The following CFAP61 variants were observed in gnomAD, a reference collection of about 807,000 sequenced individuals.
The protein encoded by CFAP61 is cilia and flagella associated protein 61.
A neutral mutation model predicts 135.6 loss-of-function variants in CFAP61; 107 were observed. That is an observed-to-expected ratio of 0.79 (90% CI 0.67 to 0.93). The LOEUF (loss-of-function observed/expected upper bound fraction) is 0.93. CFAP61 is among the 40% of genes least tolerant of loss of function. CFAP61 has a pLI of 0.00. For synonymous variants in CFAP61, 575 were observed against 578.5 expected (o/e 0.99, Z 0.09); for missense variants, 1,507 against 1,556.2 (o/e 0.97, Z 0.53).
chr20:20,240,069 A>G (rs2049905682), intron 18 of CFAP61, among the ~76,000 whole-genome samples: 1 of 152,166 alleles, frequency 6.6e-6, no homozygotes, highest in Admixed American at 6.5e-5. Flanking sequence ...TGATGGAGAT[A>G]GAGGAGGAGT....
chr20:20,320,919 G>A (rs1293571827), intron 25 of CFAP61, among the ~76,000 whole-genome samples: 1 of 151,342 alleles, frequency 6.6e-6, no homozygotes, highest in African/African-American at 2.4e-5. Flanking sequence ...TTAATTACTT[G>A]GATTATTTGA....
At chr20:20,090,736 G>T in intron 6 of CFAP61, 108 bp from the exon 7 acceptor site, 72 of 805,164 alleles carry the variant, frequency 8.9e-5, no homozygotes, top group Non-Finnish European at 1.3e-4. Flanking sequence ...TATCATGAGT[G>T]TTGCTCTAGC....
At chr20:20,307,095 C>T (rs912894450) in intron 25 of CFAP61, among the ~76,000 whole-genome samples, 7 of 152,130 alleles carry the variant, frequency 4.6e-5, no homozygotes, top group Admixed American at 1.3e-4. Context: ...GCTGCCACCC[C>T]GACCACCCTC....
chr20:20,169,363 G>A lies in CFAP61; in HGVS notation c.1288G>A (p.Glu430Lys), dbSNP rs373208708. 1.1e-5 allele frequency: 17 copies of A among 1,613,412 alleles called. No individual in the cohort carries two copies. Among genetic ancestry groups the A allele is most frequent in the African/African-American group, 4.0e-5 (3 of 74,738 alleles). The stretch of plus-strand genomic sequence containing the variant: ...AATTTCTCTGCCCCATCTCACCCCC[G>A]AGTTCTTCCTCATCCAGAACTTCGT... ...CVISLPHLTP[E>K]FFLIQNFVKM... Residue 430 changes from glutamate to lysine, a missense_variant, in exon 13 of 27, where the codon GAG becomes AAG. By Grantham distance (56) the Glu-to-Lys change is moderately conservative. Transcript: ENST00000245957.
intron 24 of CFAP61, among the ~76,000 whole-genome samples, chr20:20,297,773 A>G (rs2055752522): frequency 6.6e-6 from 1 of 152,240 alleles, no homozygotes; most frequent in Admixed American, 6.5e-5. Flanking sequence ...AATAACTGAA[A>G]TTATTTCTGA....
chr20:20,128,658 C>T (rs763457182), intron 8 of CFAP61, among the ~76,000 whole-genome samples: 40 of 151,740 alleles, frequency 2.6e-4, no homozygotes, highest in Non-Finnish European at 4.6e-4. Context: ...AGCCTCTGCA[C>T]GCTGCTTTAT....
chr20:20,226,446 T>C (rs2048741035), intron 17 of CFAP61, among the ~76,000 whole-genome samples: 1 of 152,224 alleles, frequency 6.6e-6, no homozygotes, highest in Non-Finnish European at 1.5e-5. Flanking sequence ...TGAGCCAGAA[T>C]AAGTGACAGT....
chr20:20,229,349 G>C (rs1446679740), intron 18 of CFAP61, among the ~76,000 whole-genome samples: 1 of 152,170 alleles, frequency 6.6e-6, no homozygotes, highest in Non-Finnish European at 1.5e-5. Flanking sequence ...TTTTTAAAAA[G>C]TTTCATAGAT....
intron 17 of CFAP61, among the ~76,000 whole-genome samples, chr20:20,224,442 T>A (rs1033578611): frequency 2.0e-5 from 3 of 152,092 alleles, no homozygotes; most frequent in Non-Finnish European, 4.4e-5. Flanking sequence ...AGCAATGGAA[T>A]CTATGGTTTG....
chr20:20,107,359 G>T (rs975068013), intron 8 of CFAP61, among the ~76,000 whole-genome samples: 2 of 152,100 alleles, frequency 1.3e-5, no homozygotes, highest in African/African-American at 2.4e-5. Context: ...GACCTCCATG[G>T]ACAGATAGGC....
At chr20:20,320,046 A>C (rs2149042) in intron 25 of CFAP61, among the ~76,000 whole-genome samples, 31,443 of 151,700 alleles carry the variant, frequency 0.21, 4,426 homozygotes, top group African/African-American at 0.39. Flanking sequence ...CACAGAGCTG[A>C]AGTATATTAA....
chr20:20,082,813 G>A (rs112994842), intron 6 of CFAP61, among the ~76,000 whole-genome samples: 7,111 of 152,114 alleles, frequency 0.047, 553 homozygotes, highest in African/African-American at 0.16. Flanking sequence ...CTCCTGCAAG[G>A]ATGGCCATAA....
intron 25 of CFAP61, among the ~76,000 whole-genome samples, chr20:20,335,332 C>T (rs1327298758): frequency 6.6e-6 from 1 of 152,170 alleles, no homozygotes; most frequent in Non-Finnish European, 1.5e-5. Context: ...GTAGAGTCTT[C>T]GGGGTATCAC....
intron 8 of CFAP61, among the ~76,000 whole-genome samples, chr20:20,125,144 A>G (rs2146704999): frequency 6.6e-6 from 1 of 151,598 alleles, no homozygotes; most frequent in South Asian, 2.1e-4. Flanking sequence ...TGGTCTGTCA[A>G]TTTTATTTAT....
intron 19 of CFAP61, among the ~76,000 whole-genome samples, chr20:20,250,137 A>G (rs1601615448): frequency 6.6e-6 from 1 of 152,222 alleles, no homozygotes; most frequent in African/African-American, 2.4e-5. Flanking sequence ...TTTGTGTGGT[A>G]AGACCAGGCT....
chr20:20,328,260 A>C (rs1431317257), intron 25 of CFAP61, among the ~76,000 whole-genome samples: 1 of 152,180 alleles, frequency 6.6e-6, no homozygotes, highest in Non-Finnish European at 1.5e-5. Flanking sequence ...CCCATATGCT[A>C]TATGGGGAAT....
At chr20:20,317,571 A>G (rs969508944) in intron 25 of CFAP61, among the ~76,000 whole-genome samples, 2 of 151,488 alleles carry the variant, frequency 1.3e-5, no homozygotes, top group Admixed American at 6.6e-5. Context: ...TGTTCACTCT[A>G]TCTAGTAATT....
intron 25 of CFAP61, among the ~76,000 whole-genome samples, chr20:20,303,445 C>T (rs1404326714): frequency 6.6e-6 from 1 of 152,156 alleles, no homozygotes; most frequent in African/African-American, 2.4e-5. Context: ...AGGAAGATGG[C>T]CGCCAGTCAT....
intron 25 of CFAP61, among the ~76,000 whole-genome samples, chr20:20,321,710 G>T (rs1056242570): frequency 6.6e-6 from 1 of 152,196 alleles, no homozygotes; most frequent in Non-Finnish European, 1.5e-5. Context: ...TTATCCAGAT[G>T]TACGTTGGTC....
Sources: allele counts gnomAD v4.1 joint callset (sites outside exome capture counted in the v4.1 genomes callset), GRCh38; gene constraint gnomAD v4.1.1; transcripts MANE v1.5; gene names NCBI Gene and HGNC (gene_info 2026-07-23, HGNC 2026-07-21).